KLRK1: variants seen among roughly 807,000 people sequenced by gnomAD.
KLRK1 encodes NKG2-D type II integral membrane protein.
KLRK1 carries 40 observed loss-of-function variants against 31.3 expected under a neutral mutation model. The observed-to-expected ratio is 1.28, with a 90% CI of 0.99 to 1.67. The LOEUF (loss-of-function observed/expected upper bound fraction) is 1.67, where lower values mean the gene tolerates loss of function less well. Ranked by LOEUF, KLRK1 falls within the 40% of genes most tolerant of loss-of-function variation. The probability of loss-of-function intolerance (pLI) is 0.00; values close to 1 mark genes in which losing one functional copy is unlikely to be tolerated. For synonymous variants in KLRK1, 77 were observed against 77.3 expected (o/e 1.00, Z 0.02); for missense variants, 251 against 260.0 (o/e 0.97, Z 0.24).
At chr12:10,388,734 A>G in intron 2 of KLRK1, 37 bp downstream of exon 2, 1 of 1,613,068 alleles carries the variant, frequency 6.2e-7, no homozygotes, top group South Asian at 1.1e-5. Context: ...AAAATTGTAT[A>G]AAAACAAAAC....
chr12:10,375,898 T>G (rs1035235856), intron 7 of KLRK1, among the ~76,000 whole-genome samples: 1 of 152,164 alleles, frequency 6.6e-6, no homozygotes, highest in Admixed American at 6.6e-5. Flanking sequence ...ATCAAGTGGG[T>G]AAAAGAGCAG....
rs1349624667 is a variant in KLRK1, at chr12:10,379,773, G to T, written c.168C>A (p.Cys56Ter). The T allele has an allele frequency of 6.2e-7, 1 of 1,610,350 alleles. No individual in the cohort carries two copies. Among genetic ancestry groups the T allele is most frequent in the Non-Finnish European group, 8.5e-7 (1 of 1,178,344 alleles). ...CRENASPFFF[C>*]CFIAVAMGIR... Reference sequence around the variant, plus strand: ...TTCCCATGGCTACAGCGATGAAGCAGCAGAAAAAAAATGGAGATGCTGTCA... The same window carrying T: ...TTCCCATGGCTACAGCGATGAAGCATCAGAAAAAAAATGGAGATGCTGTCA... The change falls in exon 4 of 8, where the codon TGC becomes TGA. Residue 56 changes from cysteine (C) to a stop codon, truncating the protein, a stop_gained. Transcript: ENST00000240618. LOFTEE classifies it high-confidence loss of function.
intron 4 of KLRK1, 58 bp from the exon 5 acceptor site, chr12:10,379,540 C>T: frequency 1.5e-6 from 2 of 1,323,962 alleles, no homozygotes; most frequent in South Asian, 1.5e-5. Context: ...ATAGTATAAG[C>T]AAATATAGTT....
rs145126988 is a variant in KLRK1, at chr12:10,386,975, T to A, written c.76A>T (p.Lys26Ter). Residue 26 changes from lysine to a stop codon, truncating the protein, a stop_gained, in exon 3 of 8, where the codon AAG becomes TAG. Transcript: ENST00000240618. LOFTEE classifies it high-confidence loss of function. ...SEFHNYNLDL[K>*]KSDFSTRWQK... ...CATCGTGTTGAAAAATCACTCTTCT[T>A]CAGATCCAAGTTATAATTATGAAAT... 2.4e-5 allele frequency: 38 copies of A among 1,611,528 alleles called. No individual in the cohort carries two copies. In the African/African-American group the frequency reaches 4.8e-4, roughly 20 times the overall value.
intron 3 of KLRK1, among the ~76,000 whole-genome samples, chr12:10,380,129 G>C (rs372760111): frequency 7.6e-6 from 1 of 130,896 alleles, no homozygotes; most frequent in Admixed American, 9.6e-5. Flanking sequence ...GCAGTGGCGC[G>C]ATCTCGGCTC....
intron 7 of KLRK1, among the ~76,000 whole-genome samples, chr12:10,377,931 T>G (rs1862995706): frequency 1.3e-5 from 2 of 152,208 alleles, no homozygotes; most frequent in African/African-American, 2.4e-5. Flanking sequence ...AGTAAACAAT[T>G]TGTATTACTT....
At chr12:10,389,021 A>T (rs1863223381) in intron 1 of KLRK1, 146 bp from the exon 2 acceptor site, 1 of 508,908 alleles carries the variant, frequency 2.0e-6, no homozygotes. Flanking sequence ...ACATAAAGCC[A>T]GGCAAAATTA....
chr12:10,374,445 T>G (rs1591577973), intron 7 of KLRK1, among the ~76,000 whole-genome samples: 1 of 147,146 alleles, frequency 6.8e-6, no homozygotes, highest in African/African-American at 2.6e-5. Context: ...CAGGCTGGAG[T>G]GCAGTGGCGC....
chr12:10,373,194 G>A lies in KLRK1; in HGVS notation c.571C>T (p.Leu191Phe), dbSNP rs1404512113. The change falls in exon 8 of 8, where the codon CTC (leucine) becomes TTC (phenylalanine). Residue 191 changes from leucine (L) to phenylalanine (F), a missense_variant. Physicochemically the swap from Leu to Phe is conservative, Grantham distance 22. Transcript: ENST00000240618. ...IIEMQKGDCALYASSFKGYIE... is the reference protein window; with the variant it reads ...IIEMQKGDCAFYASSFKGYIE... ...TAGCCTTTAAAGCTCGAGGCATAGA[G>A]TGCACAGTCTCCCTTCTGCATTTCA... 1.9e-6 allele frequency: 3 copies of A among 1,610,298 alleles called. No individual in the cohort carries two copies. Among genetic ancestry groups the A allele is most frequent in the Admixed American group, 1.7e-5 (1 of 59,014 alleles).
intron 3 of KLRK1, among the ~76,000 whole-genome samples, chr12:10,383,250 T>C (rs549677043): frequency 2.2e-4 from 34 of 152,132 alleles, no homozygotes; most frequent in African/African-American, 7.7e-4. Context: ...ATATATTGCC[T>C]ACAAGAAACC....
At chr12:10,387,555 G>A (rs367646266) in intron 2 of KLRK1, among the ~76,000 whole-genome samples, 12 of 151,412 alleles carry the variant, frequency 7.9e-5, no homozygotes, top group East Asian at 7.7e-4. Context: ...AAATAGCAGT[G>A]TGTCTAATTT....
At chr12:10,381,263 A>T (rs1863070211) in intron 3 of KLRK1, among the ~76,000 whole-genome samples, 2 of 152,112 alleles carry the variant, frequency 1.3e-5, no homozygotes, top group African/African-American at 4.8e-5. Context: ...GCCAAAAAAA[A>T]AAAATACCTC....
chr12:10,387,107 T>C, intron 2 of KLRK1, 97 bp from the exon 3 acceptor site: 2 of 764,200 alleles, frequency 2.6e-6, no homozygotes, highest in Non-Finnish European at 4.2e-6. Flanking sequence ...ATCTATGTAC[T>C]TCCCCTGACT....
At chr12:10,384,362 C>T (rs975119622) in intron 3 of KLRK1, among the ~76,000 whole-genome samples, 1 of 151,936 alleles carries the variant, frequency 6.6e-6, no homozygotes, top group Non-Finnish European at 1.5e-5. Context: ...TACGACAAAA[C>T]TACAACAACC....
chr12:10,375,833 C>G (rs569314181), intron 7 of KLRK1, among the ~76,000 whole-genome samples: 1 of 152,266 alleles, frequency 6.6e-6, no homozygotes, highest in Admixed American at 6.5e-5. Flanking sequence ...TTCATAAGAT[C>G]AGTGAACATT....
In KLRK1 at chr12:10,388,788, C is replaced by T. The variant is rs1265423133; in HGVS notation, c.23G>A (p.Arg8Lys). 2 of 1,613,874 alleles carry T rather than the reference C, an allele frequency of 1.2e-6. No homozygotes were observed. Among genetic ancestry groups the T allele is most frequent in the Non-Finnish European group, 1.7e-6 (2 of 1,179,920 alleles). The change falls in exon 2 of 8, where the codon AGG (arginine) becomes AAG (lysine). Residue 8 changes from arginine to lysine, a missense_variant. Physicochemically the swap from Arg to Lys is conservative, Grantham distance 26. Transcript: ENST00000240618. MGWIRGR[R>K]SRHSWEMSEF... is the part of the protein sequence containing the mutation. ...AAACATACCCCAGCTGTGTCGAGACCTCCGACCACGAATCCACCCCATCAA... is the reference window on the plus strand; with the variant it reads ...AAACATACCCCAGCTGTGTCGAGACTTCCGACCACGAATCCACCCCATCAA...
At chr12:10,383,061 C>T (rs956685174) in intron 3 of KLRK1, among the ~76,000 whole-genome samples, 1 of 151,894 alleles carries the variant, frequency 6.6e-6, no homozygotes, top group Admixed American at 6.6e-5. Flanking sequence ...GAGAAAGCAA[C>T]TTAATCACAA....
At chr12:10,379,898 A>T in intron 3 of KLRK1, 106 bp from the exon 4 acceptor site, 1 of 1,019,830 alleles carries the variant, frequency 9.8e-7, no homozygotes, top group East Asian at 2.8e-5. Context: ...GGTGGTATTG[A>T]TCCTTTTTCT....
intron 7 of KLRK1, among the ~76,000 whole-genome samples, chr12:10,377,098 T>A (rs1357469277): frequency 3.3e-5 from 5 of 152,194 alleles, no homozygotes; most frequent in Non-Finnish European, 7.4e-5. Flanking sequence ...ATTATAGGCA[T>A]AAACCACTGC....
Sources: allele counts gnomAD v4.1 joint callset (sites outside exome capture counted in the v4.1 genomes callset), GRCh38; gene constraint gnomAD v4.1.1; transcripts MANE v1.5; gene names NCBI Gene and HGNC (gene_info 2026-07-23, HGNC 2026-07-21).